The following SLC38A4 variants were observed in gnomAD, a reference collection of about 807,000 sequenced individuals.
SLC38A4 encodes the protein sodium-coupled neutral amino acid transporter 4.
In SLC38A4, 20 loss-of-function variants were observed where a neutral mutation model predicts 63.1. That is an observed-to-expected ratio of 0.32 (90% CI 0.22 to 0.46). The LOEUF is 0.46. Ranked by LOEUF, SLC38A4 falls within the 20% of genes least tolerant of loss-of-function variation. The pLI, the probability that SLC38A4 is intolerant of heterozygous loss-of-function variation, is 1.00. For synonymous variants in SLC38A4, 230 were observed against 225.5 expected (o/e 1.02, Z -0.18); for missense variants, 526 against 663.6 (o/e 0.79, Z 2.28).
chr12:46,782,081 A>G (rs1273886558), intron 7 of SLC38A4, among the ~76,000 whole-genome samples: 2 of 152,006 alleles, frequency 1.3e-5, no homozygotes, highest in African/African-American at 2.4e-5. Context: ...TAACATATAA[A>G]AATTTTTTTA....
At chr12:46,784,407 A>C in intron 7 of SLC38A4, 135 bp downstream of exon 7, 1 of 503,526 alleles carries the variant, frequency 2.0e-6, no homozygotes, top group East Asian at 3.1e-5. Flanking sequence ...TTAAGAAACT[A>C]TCATTTTAAA....
rs1234439932 is a variant in SLC38A4 at position 46,778,680 on chromosome 12, C to T, written c.814G>A (p.Val272Ile). 3.7e-6 allele frequency: 6 copies of T among 1,612,786 alleles called. No individual in the cohort carries two copies. Among genetic ancestry groups the T allele is most frequent in the South Asian group, 1.1e-5 (1 of 91,064 alleles). The change falls in exon 11 of 17, where the codon GTA becomes ATA. Residue 272 changes from valine (V) to isoleucine (I), a missense_variant. By Grantham distance (29) the Val-to-Ile change is conservative. Transcript: ENST00000266579. ...CTCTCAGAGTTGTTGGGTAACATTACCACATGCATTGGAAGCGTGTTGTTG... is the reference window on the plus strand; with the variant it reads ...CTCTCAGAGTTGTTGGGTAACATTATCACATGCATTGGAAGCGTGTTGTTG... ...SFNNTLPMHV[V>I]MLPNNSESSD... is the part of the protein sequence containing the mutation.
intron 1 of SLC38A4, among the ~76,000 whole-genome samples, chr12:46,824,069 G>C (rs775091638): frequency 6.6e-6 from 1 of 152,116 alleles, no homozygotes; most frequent in Non-Finnish European, 1.5e-5. Flanking sequence ...TGGGCTCTGG[G>C]TGACCCCTGT....
chr12:46,821,491 G>A (rs958945121), intron 1 of SLC38A4, among the ~76,000 whole-genome samples: 11 of 151,882 alleles, frequency 7.2e-5, no homozygotes, highest in Admixed American at 4.6e-4. Flanking sequence ...CTTACTTCTG[G>A]GCTCTCTATG....
rs1392585862 is a variant in SLC38A4, at chr12:46,778,778, T to G, written c.718-2A>C. 1 of 1,606,736 alleles carries G rather than the reference T, an allele frequency of 6.2e-7. No individual in the cohort carries two copies. Among genetic ancestry groups the G allele is most frequent in the South Asian group, 1.1e-5 (1 of 90,086 alleles). On this transcript the variant is annotated splice_acceptor_variant, in intron 10 of 16. Coordinates refer to ENST00000266579, the MANE Select transcript of SLC38A4 (RefSeq NM_018018.5). LOFTEE classifies it high-confidence loss of function. ...TATTTGGAATTTCTTGTAAATCACC[T>G]AGACTCAGTCATTAAAAAAGAAAAA... is the stretch of plus-strand genomic sequence containing the variant.
chr12:46,829,691 C>A (rs565869669), upstream of SLC38A4, among the ~76,000 whole-genome samples: 1 of 152,108 alleles, frequency 6.6e-6, no homozygotes, highest in Non-Finnish European at 1.5e-5. Context: ...AGTCCAGCTG[C>A]GTGATCATGT....
chr12:46,812,349 C>T (rs932344422), intron 1 of SLC38A4, among the ~76,000 whole-genome samples: 3 of 151,980 alleles, frequency 2.0e-5, no homozygotes, highest in Non-Finnish European at 2.9e-5. Context: ...CTGAGAGGAG[C>T]TTCACTGTTT....
chr12:46,785,407 A>T (rs1026602731), intron 5 of SLC38A4, among the ~76,000 whole-genome samples: 1 of 136,218 alleles, frequency 7.3e-6, no homozygotes, highest in African/African-American at 2.7e-5. Flanking sequence ...AACTTTTTTA[A>T]TGTTACCCAG....
Position 46,783,626 on chromosome 12 carries a change from A to G in SLC38A4, c.493+916T>C, listed in dbSNP as rs1042921441. On this transcript the variant is annotated intron_variant, in intron 7 of 16. Transcript: ENST00000266579. ...AGAGATCAAATGAACAGACTTTGCC[A>G]TTTGATTGGACATGCAGAGTTGGGG... Among the ~76,000 whole-genome samples the G allele has an allele frequency of 2.6e-4, 39 of 152,076 alleles. 1 individual carries two copies. The highest frequency in any genetic ancestry group is 2.9e-5 in the Non-Finnish European group (2 of 67,994).
In SLC38A4 at chr12:46,765,368, G is replaced by A. The variant is rs78974211; in HGVS notation, c.*1333C>T. 2,979 of 265,918 alleles carry A rather than the reference G, an allele frequency of 0.011. 43 individuals are homozygous for A. The highest frequency in any genetic ancestry group is 0.059 in the East Asian group (393 of 6,636). The allele number at this position is 265,918 out of a possible 1,614,324, so 16.5% of individuals were successfully genotyped here. On this transcript the variant is annotated 3_prime_UTR_variant, in exon 17 of 17. Coordinates refer to ENST00000266579, the MANE Select transcript of SLC38A4 (RefSeq NM_018018.5). ...GAACCACTCAACACTGTATTAAATG[G>A]CCAATGAATGTCAGCAAACACCTGT...
intron 7 of SLC38A4, among the ~76,000 whole-genome samples, chr12:46,780,914 C>T (rs1212791916): frequency 6.6e-6 from 1 of 152,006 alleles, no homozygotes; most frequent in Non-Finnish European, 1.5e-5. Flanking sequence ...AAATAGAACT[C>T]ACAAATTTTA....
Position 46,819,988 on chromosome 12 carries a change from G to T in SLC38A4, c.-305+5915C>A, listed in dbSNP as rs552520018. ...GTTAAATTATGTGCAACAAAATTTT[G>T]ATTTTAAAGTGGGCCTCACTGTGTT... On this transcript the variant is annotated intron_variant, in intron 1 of 16. Transcript: ENST00000266579. Among the ~76,000 whole-genome samples the T allele has an allele frequency of 3.9e-4, 59 of 151,952 alleles. 1 individual carries two copies. In the South Asian group the frequency reaches 9.7e-3, roughly 25 times the overall value.
At chr12:46,824,849 A>G (rs184585206) in intron 1 of SLC38A4, among the ~76,000 whole-genome samples, 1 of 152,246 alleles carries the variant, frequency 6.6e-6, no homozygotes, top group Admixed American at 6.5e-5. Flanking sequence ...ATAGTGGGTC[A>G]GATTGCACAA....
chr12:46,792,848 C>A, intron 3 of SLC38A4, 105 bp downstream of exon 3: 1 of 789,462 alleles, frequency 1.3e-6, no homozygotes, highest in East Asian at 2.5e-5. Context: ...ATTGTTATCA[C>A]AAATTTACCT....
chr12:46,808,577 C>T (rs1939281270), intron 1 of SLC38A4, among the ~76,000 whole-genome samples: 1 of 151,904 alleles, frequency 6.6e-6, no homozygotes, highest in Non-Finnish European at 1.5e-5. Context: ...TTGCCTCTGC[C>T]TTTCACCTTT....
At chr12:46,825,215 T>C (rs1939623896) in intron 1 of SLC38A4, among the ~76,000 whole-genome samples, 1 of 144,414 alleles carries the variant, frequency 6.9e-6, no homozygotes, top group Non-Finnish European at 1.6e-5. Context: ...TGTACTAAAG[T>C]GTGTCAGATG....
intron 13 of SLC38A4, 91 bp from the exon 14 acceptor site, chr12:46,775,264 A>T (rs1282716719): frequency 1.4e-6 from 2 of 1,465,374 alleles, no homozygotes; most frequent in Non-Finnish European, 1.8e-6. Flanking sequence ...AACACAGAAC[A>T]GAGGAAAAGA....
intron 1 of SLC38A4, among the ~76,000 whole-genome samples, chr12:46,810,981 T>C (rs189072521): frequency 1.3e-5 from 2 of 152,178 alleles, no homozygotes; most frequent in Admixed American, 6.5e-5. Context: ...AAAAAATGAT[T>C]GTTTTTTCCC....
At chr12:46,797,792 A>G (rs1193673539) in intron 2 of SLC38A4, among the ~76,000 whole-genome samples, 1 of 152,234 alleles carries the variant, frequency 6.6e-6, no homozygotes, top group Middle Eastern at 3.4e-3. Context: ...TGTCATCTAT[A>G]TATCTCAAAG....
Sources: gnomAD v4.1 joint callset for allele counts (sites outside exome capture counted in the v4.1 genomes callset) on GRCh38, gnomAD v4.1.1 for gene constraint, MANE v1.5 for transcripts, NCBI Gene and HGNC (gene_info 2026-07-23, HGNC 2026-07-21) for gene names.